TBL1Y: variants seen among roughly 807,000 people sequenced by gnomAD.
TBL1Y encodes F-box-like/WD repeat-containing protein TBL1Y.
TBL1Y carries 15 observed loss-of-function variants against 12.0 expected under a neutral mutation model. That is an observed-to-expected ratio of 1.25 (90% CI 0.83 to 1.92). The LOEUF (loss-of-function observed/expected upper bound fraction) is 1.92, where lower values mean the gene tolerates loss of function less well. Among genes scored for constraint, TBL1Y ranks in the 40% most tolerant of loss-of-function variants. TBL1Y has a pLI of 0.00. For missense variants in TBL1Y, 148 were observed against 116.7 expected (o/e 1.27, Z -1.24); for synonymous variants, 53 against 42.6 (o/e 1.24, Z -0.95).
intron 4 of TBL1Y, among the ~76,000 whole-genome samples, chrY:7,008,634 T>G: frequency 3.0e-5 from 1 of 33,093 alleles, no homozygotes; most frequent in Non-Finnish European, 7.4e-5. Context: ...GGAAATTTTT[T>G]TAATGGTGAG....
intron 3 of TBL1Y, among the ~76,000 whole-genome samples, chrY:6,982,115 G>A (rs934085468): frequency 1.8e-4 from 6 of 32,866 alleles, no homozygotes; most frequent in African/African-American, 7.2e-4. Flanking sequence ...AAGTGGTATC[G>A]AAAATCGATT....
At chrY:7,048,502 CAT>C (rs2012775440) in intron 7 of TBL1Y, among the ~76,000 whole-genome samples, 10 of 33,021 alleles carry the variant, frequency 3.0e-4, no homozygotes, top group Admixed American at 2.8e-3. Flanking sequence ...ACACACCTTG[CAT>C]GTAAAACTGT....
At chrY:7,015,916 TAAC>T (rs2012546249) in intron 4 of TBL1Y, among the ~76,000 whole-genome samples, 1 of 33,500 alleles carries the variant, frequency 3.0e-5, no homozygotes, top group Non-Finnish European at 7.4e-5. Context: ...TCATTTTTCC[TAAC>T]AACAACCCTG....
intron 7 of TBL1Y, among the ~76,000 whole-genome samples, chrY:7,054,983 C>G (rs2012818625): frequency 3.0e-5 from 1 of 33,513 alleles, no homozygotes; most frequent in Non-Finnish European, 7.4e-5. Context: ...AGGACGCCCC[C>G]CCAGGTAACA....
chrY:7,015,041 G>A, intron 4 of TBL1Y, among the ~76,000 whole-genome samples: 2 of 33,179 alleles, frequency 6.0e-5, no homozygotes, highest in Non-Finnish European at 1.5e-4. Context: ...AGTCTTTACC[G>A]TCTTGGCACA....
Position 7,064,007 on chromosome Y carries a change from G to C in TBL1Y, c.315G>C (p.Gln105His). 2 of 398,743 alleles carry C rather than the reference G, an allele frequency of 5.0e-6. No homozygotes were observed. Among genetic ancestry groups the C allele is most frequent in the Non-Finnish European group, 7.1e-6 (2 of 283,638 alleles). The change falls in exon 8 of 19, where the codon CAG becomes CAC. Residue 105 changes from glutamine (Q) to histidine (H), a missense_variant. Gln to His is a conservative substitution (Grantham distance 24). Coordinates refer to ENST00000383032, the MANE Select transcript of TBL1Y (RefSeq NM_033284.2). ...AGGCATTTGGAGAGAAGCTCACTCA[G>C]CAGCAAGCCAGTGCAGCAGCCACAG... Reference protein sequence around the residue: ...RQQAFGEKLTQQQASAAATEA... With the variant: ...RQQAFGEKLTHQQASAAATEA...
intron 2 of TBL1Y, among the ~76,000 whole-genome samples, chrY:6,943,313 GGACT>G (rs2011964776): frequency 6.1e-5 from 2 of 32,925 alleles, no homozygotes; most frequent in East Asian, 1.6e-3. Flanking sequence ...CTGCTGGCCA[GGACT>G]GACTTCCTCC....
chrY:7,068,939 C>T, intron 8 of TBL1Y, among the ~76,000 whole-genome samples: 2 of 27,697 alleles, frequency 7.2e-5, no homozygotes, highest in East Asian at 1.9e-3. Flanking sequence ...AAAGAGTCAC[C>T]AACATTGAAG....
intron 2 of TBL1Y, among the ~76,000 whole-genome samples, chrY:6,939,198 T>G (rs1010841798): frequency 3.6e-4 from 12 of 33,494 alleles, no homozygotes; most frequent in African/African-American, 1.4e-3. Context: ...ATTGGTGCAT[T>G]TACAAACCTT....
Position 7,053,793 on chromosome Y carries a change from A to G in TBL1Y, c.205-10104A>G, listed in dbSNP as rs752581523. The stretch of plus-strand genomic sequence containing the variant: ...CAGTAGCAGGGAGTGGCCCCAGCCA[A>G]TCGCCCTCAATCTTCAAGGAGCTAC... On this transcript the variant is annotated intron_variant, in intron 7 of 18. Coordinates refer to ENST00000383032, the MANE Select transcript of TBL1Y (RefSeq NM_033284.2). Among the ~76,000 whole-genome samples, 8 of 33,285 alleles carry G rather than the reference A, an allele frequency of 2.4e-4. No individual in the cohort carries two copies. In the East Asian group the frequency reaches 6.4e-3, roughly 27 times the overall value. The allele number at this position is 33,285 out of a possible 37,273, so 89.3% of individuals were successfully genotyped here. A position where few individuals can be genotyped will look rare whatever the true frequency, so the allele number is the denominator to read the frequency against.
chrY:6,963,762 ATTG>A (rs2012149125), intron 2 of TBL1Y, among the ~76,000 whole-genome samples: 1 of 33,358 alleles, frequency 3.0e-5, no homozygotes, highest in Admixed American at 2.7e-4. Flanking sequence ...TAACTGTTGT[ATTG>A]TTGTAATTAG....
chrY:6,918,060 A>T (rs2011748349), intron 2 of TBL1Y, among the ~76,000 whole-genome samples: 1 of 32,953 alleles, frequency 3.0e-5, no homozygotes, highest in African/African-American at 1.2e-4. Context: ...AAGTGTCTTT[A>T]GGAAAAAGGC....
At chrY:7,061,766 G>A (rs2012869541) in intron 7 of TBL1Y, among the ~76,000 whole-genome samples, 2 of 31,527 alleles carry the variant, frequency 6.3e-5, no homozygotes, top group Non-Finnish European at 1.5e-4. Context: ...ACTCCATAAC[G>A]GTCATCTAGT....
intron 2 of TBL1Y, among the ~76,000 whole-genome samples, chrY:6,950,704 T>G (rs530368199): frequency 1.8e-4 from 6 of 33,525 alleles, no homozygotes; most frequent in Admixed American, 1.6e-3. Flanking sequence ...ATAAGATCTC[T>G]AATAAAATGT....
At position 6,910,939 on chromosome Y, in the gene TBL1Y, G is replaced by A. The variant is rs2011684961; in HGVS notation, c.-394G>A. Reference sequence around the variant, plus strand: ...CCCTCCTGAGAGAGGCTCAGAACACGGCCAGGTACGCGCCGCCGCCACAGT... The same window carrying A: ...CCCTCCTGAGAGAGGCTCAGAACACAGCCAGGTACGCGCCGCCGCCACAGT... On this transcript the variant is annotated 5_prime_UTR_variant, in exon 1 of 19. Transcript: ENST00000383032. 2.6e-5 allele frequency: 1 copy of A among 37,890 alleles called. No individual in the cohort carries two copies. Among genetic ancestry groups the A allele is most frequent in the Admixed American group, 2.5e-4 (1 of 4,040 alleles). The allele number at this position is 37,890 out of a possible 400,897, so 9.5% of individuals were successfully genotyped here. A position where few individuals can be genotyped will look rare whatever the true frequency, so the allele number is the denominator to read the frequency against.
intron 1 of TBL1Y, among the ~76,000 whole-genome samples, chrY:6,911,627 C>G (rs764970190): frequency 2.0e-4 from 7 of 34,908 alleles, no homozygotes; most frequent in Non-Finnish European, 4.3e-4. Flanking sequence ...CCCGCGCCCC[C>G]GGTCTGTTTG....
intron 4 of TBL1Y, among the ~76,000 whole-genome samples, chrY:6,996,114 GT>G (rs2012409763): frequency 3.1e-5 from 1 of 32,714 alleles, no homozygotes; most frequent in Admixed American, 2.8e-4. Flanking sequence ...GCTGGCCTGT[GT>G]CCCTGGAATC....
chrY:7,035,634 T>C, intron 6 of TBL1Y, among the ~76,000 whole-genome samples: 1 of 33,585 alleles, frequency 3.0e-5, no homozygotes, highest in Non-Finnish European at 7.4e-5. Context: ...AAAAAAGGGT[T>C]CATGTCCTTT....
chrY:7,003,661 A>G, intron 4 of TBL1Y, among the ~76,000 whole-genome samples: 1 of 33,627 alleles, frequency 3.0e-5, no homozygotes, highest in Non-Finnish European at 7.4e-5. Context: ...CTATTTCCAG[A>G]GTCATTTAAT....
Sources: gnomAD v4.1 joint callset for allele counts (sites outside exome capture counted in the v4.1 genomes callset) on GRCh38, gnomAD v4.1.1 for gene constraint, MANE v1.5 for transcripts, NCBI Gene and HGNC (gene_info 2026-07-23, HGNC 2026-07-21) for gene names.